Variants in USP6NL observed in about 807,000 individuals in gnomAD.
USP6NL encodes USP6 N-terminal like.
In USP6NL, 26 loss-of-function variants were observed where a neutral mutation model predicts 61.9. That is an observed-to-expected ratio of 0.42 (90% CI 0.31 to 0.58). The LOEUF is 0.58. Among genes scored for constraint, USP6NL ranks in the 20% least tolerant of loss-of-function variants. USP6NL has a pLI of 0.16. For missense variants in USP6NL, 1,114 were observed against 1,034.3 expected, an observed-to-expected ratio of 1.08 and a Z score of -1.06; for synonymous variants, 432 against 390.1, an observed-to-expected ratio of 1.11 and a Z score of -1.27.
At chr10:11,535,122 T>C (rs910477766) in intron 2 of USP6NL, among the ~76,000 whole-genome samples, 1 of 152,190 alleles carries the variant, frequency 6.6e-6, no homozygotes, top group African/African-American at 2.4e-5. Flanking sequence ...TGCCCGGCAG[T>C]GCCCCTAAAG....
chr10:11,573,747 T>C (rs1301415458), intron 2 of USP6NL: 1 of 398,274 alleles, frequency 2.5e-6, no homozygotes, highest in Non-Finnish European at 4.4e-6. Flanking sequence ...CACCAGAAGC[T>C]CATTTCTGCT....
At position 11,528,183 on chromosome 10, in the gene USP6NL, G is replaced by A. The variant is rs943294924; in HGVS notation, c.5-616C>T. ...CACCCTTCATCCTTATTAACATTAG[G>A]AGACTTTCAAAAACATAAATCTGAC... On this transcript the variant is annotated intron_variant, in intron 2 of 14. Transcript: ENST00000609104. The surrounding 1 kb of genome is among the most constrained non-coding windows in gnomAD (Gnocchi z 4.6). Among the ~76,000 whole-genome samples the A allele has an allele frequency of 6.7e-6, 1 of 150,098 alleles. No homozygotes were observed. The highest frequency in any genetic ancestry group is 1.9e-4 in the East Asian group (1 of 5,130).
chr10:11,555,433 A>AAAAAAAAAAATATAT (rs1275798295), intron 2 of USP6NL, among the ~76,000 whole-genome samples: 3 of 49,030 alleles, frequency 6.1e-5, no homozygotes, highest in Admixed American at 3.0e-4. Flanking sequence ...AAAAAAAAAA[A>AAAAAAAAAAATATAT]ATATATATAT....
chr10:11,492,212 A>G (rs1833733776), intron 8 of USP6NL, among the ~76,000 whole-genome samples: 1 of 152,196 alleles, frequency 6.6e-6, no homozygotes, highest in South Asian at 2.1e-4. Flanking sequence ...TTACTATCTT[A>G]CTTGGAAATT....
chr10:11,517,165 CTT>C (rs1325394242), intron 5 of USP6NL, among the ~76,000 whole-genome samples: 2 of 152,220 alleles, frequency 1.3e-5, no homozygotes, highest in Non-Finnish European at 2.9e-5. Flanking sequence ...CTCTGCCAGT[CTT>C]TATGTCAATA....
chr10:11,590,908 A>G (rs1034466050), intron 2 of USP6NL, among the ~76,000 whole-genome samples: 4 of 152,146 alleles, frequency 2.6e-5, no homozygotes, highest in Non-Finnish European at 4.4e-5. Flanking sequence ...GTAATGTAGC[A>G]TATTTCATAA....
In USP6NL at chr10:11,602,902, T is replaced by C. The variant is rs1376697263; in HGVS notation, c.-83-5185A>G. 6.6e-6 allele frequency among the ~76,000 whole-genome samples: 1 copy of C among 152,170 alleles called. No individual in the cohort carries two copies. The highest frequency in any genetic ancestry group is 1.5e-5 in the Non-Finnish European group (1 of 68,036). ...AGTCATTATTCACTAACAGAGAAAG[T>C]CTCAACACTGTACTTTCACAGTTCT... On this transcript the variant is annotated intron_variant, in intron 1 of 14. Coordinates refer to ENST00000609104, the MANE Select transcript of USP6NL (RefSeq NM_014688.5). The surrounding 1 kb of genome is among the most constrained non-coding windows in gnomAD (Gnocchi z 4.8).
In USP6NL at chr10:11,600,365, C is replaced by T. The variant is rs769560610; in HGVS notation, c.-83-2648G>A. 9.2e-5 allele frequency among the ~76,000 whole-genome samples: 14 copies of T among 152,042 alleles called. No individual in the cohort carries two copies. The highest frequency in any genetic ancestry group is 1.9e-4 in the Non-Finnish European group (13 of 68,020). The stretch of plus-strand genomic sequence containing the variant: ...AAATGTATGCCCCAGGTAGCAATGG[C>T]CCACAATGAATAAATAACCTAACAT... On this transcript the variant is annotated intron_variant, in intron 1 of 14. Coordinates refer to ENST00000609104, the MANE Select transcript of USP6NL (RefSeq NM_014688.5). This position sits in a 1 kb window ranked among gnomAD's most constrained non-coding sequence, Gnocchi z 4.1.
chr10:11,505,372 AG>A (rs1483254949), intron 6 of USP6NL, among the ~76,000 whole-genome samples: 3 of 152,214 alleles, frequency 2.0e-5, no homozygotes, highest in Non-Finnish European at 4.4e-5. Flanking sequence ...ATCCCTAAAA[AG>A]GTAGGTACTA....
At chr10:11,466,098 A>G (rs2133153241) in intron 14 of USP6NL, among the ~76,000 whole-genome samples, 1 of 152,254 alleles carries the variant, frequency 6.6e-6, no homozygotes, top group Non-Finnish European at 1.5e-5. Context: ...TCTGTATGCA[A>G]TTTTCTATGT....
Position 11,611,398 on chromosome 10 carries a change from G to A in USP6NL, c.-84+45C>T. 1 of 152,404 alleles carries A rather than the reference G, an allele frequency of 6.6e-6. No homozygotes were observed. Among genetic ancestry groups the A allele is most frequent in the Non-Finnish European group, 1.5e-5 (1 of 68,152 alleles). The allele number at this position is 152,404 out of a possible 1,614,324, so 9.4% of individuals were successfully genotyped here. ...CCCGGGGAGGACGCCCGCGGAGCCC[G>A]CCGCCGCCGGCCCCTCACGGCGGGA... On this transcript the variant is annotated intron_variant, in intron 1 of 14. Transcript: ENST00000609104. The surrounding 1 kb of genome is among the most constrained non-coding windows in gnomAD (Gnocchi z 5.3).
At chr10:11,512,648 T>C (rs1216812788) in intron 5 of USP6NL, among the ~76,000 whole-genome samples, 2 of 152,220 alleles carry the variant, frequency 1.3e-5, no homozygotes, top group African/African-American at 4.8e-5. Flanking sequence ...CCATGAACTA[T>C]TTGTCATTCC....
In USP6NL at chr10:11,525,829, C is replaced by T. The variant is rs181508046; in HGVS notation, c.73-361G>A. Among the ~76,000 whole-genome samples the T allele has an allele frequency of 1.7e-4, 26 of 152,316 alleles. No homozygotes were observed. The highest frequency in any genetic ancestry group is 8.5e-4 in the Admixed American group (13 of 15,302). Reference sequence around the variant, plus strand: ...GAACCTTACAGTTCTAGACCAAACACGTCTCAGAGAAAGAGATTTTTCTTT... The same window carrying T: ...GAACCTTACAGTTCTAGACCAAACATGTCTCAGAGAAAGAGATTTTTCTTT... On this transcript the variant is annotated intron_variant, in intron 3 of 14. Coordinates refer to ENST00000609104, the MANE Select transcript of USP6NL (RefSeq NM_014688.5). This position sits in a 1 kb window ranked among gnomAD's most constrained non-coding sequence, Gnocchi z 5.0.
At chr10:11,590,568 A>G (rs1054186039) in intron 2 of USP6NL, among the ~76,000 whole-genome samples, 1 of 152,200 alleles carries the variant, frequency 6.6e-6, no homozygotes, top group Admixed American at 6.5e-5. Flanking sequence ...AATCATACAC[A>G]TAATATTTTC....
intron 7 of USP6NL, among the ~76,000 whole-genome samples, chr10:11,493,975 C>A (rs1833809087): frequency 1.3e-5 from 2 of 152,240 alleles, no homozygotes; most frequent in Admixed American, 6.5e-5. Context: ...CCATGCTGGG[C>A]CCCCTGTTTC....
In USP6NL at chr10:11,462,365, G is replaced by C; in HGVS notation, c.*76C>G. 1 of 1,486,954 alleles carries C rather than the reference G, an allele frequency of 6.7e-7. No homozygotes were observed. The highest frequency in any genetic ancestry group is 9.0e-7 in the Non-Finnish European group (1 of 1,107,604). The allele number at this position is 1,486,954 out of a possible 1,614,324, so 92.1% of individuals were successfully genotyped here. On this transcript the variant is annotated 3_prime_UTR_variant, in exon 15 of 15. Transcript: ENST00000609104. Reference sequence around the variant, plus strand: ...AGTTGTTTACAATAGTATAAATACTGCTTTGGCAATTATGAACATAGCAAT... The same window carrying C: ...AGTTGTTTACAATAGTATAAATACTCCTTTGGCAATTATGAACATAGCAAT...
intron 1 of USP6NL, among the ~76,000 whole-genome samples, chr10:11,605,186 G>A (rs978687145): frequency 3.3e-5 from 5 of 152,098 alleles, no homozygotes; most frequent in African/African-American, 9.7e-5. Context: ...TTAGGTAAAC[G>A]TTTGCCTAAT....
At chr10:11,488,991 C>A in intron 10 of USP6NL, 111 bp downstream of exon 10, 2 of 1,430,826 alleles carry the variant, frequency 1.4e-6, no homozygotes, top group Non-Finnish European at 1.9e-6. Context: ...ACTCAACGAG[C>A]CCTGAGACAT....
intron 2 of USP6NL, among the ~76,000 whole-genome samples, chr10:11,545,397 T>C (rs1380716858): frequency 6.6e-6 from 1 of 152,162 alleles, no homozygotes; most frequent in Non-Finnish European, 1.5e-5. Context: ...TAATTAACAC[T>C]TTCTTCCCCA....
Sources: allele counts gnomAD v4.1 joint callset (sites outside exome capture counted in the v4.1 genomes callset), GRCh38; gene constraint gnomAD v4.1.1; non-coding constraint Gnocchi (gnomAD v3.1); transcripts MANE v1.5; gene names NCBI Gene and HGNC (gene_info 2026-07-23, HGNC 2026-07-21).